Variants in PITPNC1 observed in about 807,000 individuals in gnomAD.
The protein encoded by PITPNC1 is phosphatidylinositol transfer protein cytoplasmic 1.
Under a neutral mutation model 44.7 loss-of-function variants are expected in PITPNC1, and 18 were observed. The observed-to-expected ratio is 0.40, with a 90% CI of 0.28 to 0.60. The LOEUF (loss-of-function observed/expected upper bound fraction) is 0.60. PITPNC1 is among the 20% of genes least tolerant of loss of function. The pLI, the probability that PITPNC1 is intolerant of heterozygous loss-of-function variation, is 0.39. For synonymous variants in PITPNC1, 141 were observed against 149.6 expected (o/e 0.94, Z 0.42); for missense variants, 290 against 418.4 (o/e 0.69, Z 2.68).
intron 5 of PITPNC1, among the ~76,000 whole-genome samples, chr17:67,606,070 A>T (rs1339203404): frequency 1.3e-5 from 2 of 152,228 alleles, no homozygotes; most frequent in Non-Finnish European, 2.9e-5. Flanking sequence ...TCCTGGGGCC[A>T]GAATGGACCT....
At chr17:67,644,820 A>C (rs2042129632) in intron 6 of PITPNC1, among the ~76,000 whole-genome samples, 1 of 152,158 alleles carries the variant, frequency 6.6e-6, no homozygotes, top group Non-Finnish European at 1.5e-5. Context: ...TAGTCTTATT[A>C]AAGTAAAACA....
intron 1 of PITPNC1, among the ~76,000 whole-genome samples, chr17:67,503,172 CA>C (rs1228549330): frequency 2.0e-5 from 3 of 151,900 alleles, no homozygotes; most frequent in Non-Finnish European, 4.4e-5. Context: ...ATAAAGTTAC[CA>C]AAAACTCAAA....
intron 1 of PITPNC1, among the ~76,000 whole-genome samples, chr17:67,425,203 GCACACACACACACACACACACA>G (rs60705271): frequency 0.076 from 7,511 of 98,594 alleles, 673 homozygotes; most frequent in Middle Eastern, 0.096. Flanking sequence ...GCACGCACAC[GCACACACACACACACACACACA>G]CACACACACA....
chr17:67,424,177 G>C (rs114586670), intron 1 of PITPNC1, among the ~76,000 whole-genome samples: 302 of 151,706 alleles, frequency 2.0e-3, no homozygotes, highest in African/African-American at 7.1e-3. Context: ...AGGAAAACTA[G>C]CGAATGGTAT....
chr17:67,417,517 T>C (rs552922459), intron 1 of PITPNC1, among the ~76,000 whole-genome samples: 18 of 152,304 alleles, frequency 1.2e-4, no homozygotes, highest in Non-Finnish European at 1.5e-4. Flanking sequence ...ATATAATTTC[T>C]TGGTTGCCAG....
chr17:67,433,594 C>A (rs1190098553), intron 1 of PITPNC1, among the ~76,000 whole-genome samples: 3 of 152,162 alleles, frequency 2.0e-5, no homozygotes, highest in Admixed American at 1.3e-4. Context: ...GCCTGTAAAC[C>A]CAGCTACTCG....
chr17:67,566,229 G>C (rs538126509), intron 4 of PITPNC1, among the ~76,000 whole-genome samples: 47 of 151,934 alleles, frequency 3.1e-4, no homozygotes, highest in Middle Eastern at 6.8e-3. Flanking sequence ...TTTGATACAG[G>C]GGCTTGCTCT....
intron 8 of PITPNC1, among the ~76,000 whole-genome samples, chr17:67,686,896 C>A (rs546332554): frequency 6.6e-6 from 1 of 152,218 alleles, no homozygotes; most frequent in South Asian, 2.1e-4. Flanking sequence ...GCCCTCACTC[C>A]CCCTTTGGTT....
intron 2 of PITPNC1, among the ~76,000 whole-genome samples, chr17:67,533,345 C>T (rs150501082): frequency 2.0e-5 from 3 of 152,316 alleles, no homozygotes; most frequent in Non-Finnish European, 2.9e-5. Context: ...TCCTCAACTG[C>T]GTTTCCATTA....
chr17:67,499,218 T>G (rs1361211602), intron 1 of PITPNC1, among the ~76,000 whole-genome samples: 1 of 151,830 alleles, frequency 6.6e-6, no homozygotes, highest in African/African-American at 2.4e-5. Flanking sequence ...CTTTGCCCGT[T>G]TTTATTTATT....
intron 6 of PITPNC1, among the ~76,000 whole-genome samples, chr17:67,661,298 C>T (rs2642044): frequency 0.11 from 16,197 of 151,924 alleles, 1,365 homozygotes; most frequent in African/African-American, 0.23. Flanking sequence ...GTCACGAGCC[C>T]CTCCCTTCAG....
At chr17:67,539,762 C>G (rs111645998) in intron 2 of PITPNC1, among the ~76,000 whole-genome samples, 9 of 151,950 alleles carry the variant, frequency 5.9e-5, no homozygotes, top group African/African-American at 2.2e-4. Flanking sequence ...GGCGTGAACC[C>G]GGGAGGTGGA....
intron 2 of PITPNC1, among the ~76,000 whole-genome samples, chr17:67,544,505 G>A (rs1357921115): frequency 1.3e-5 from 2 of 152,198 alleles, no homozygotes; most frequent in Non-Finnish European, 2.9e-5. Context: ...CTGGCTGCTG[G>A]ATTAATTAGG....
At chr17:67,612,591 G>A (rs2041701147) in intron 5 of PITPNC1, 1 of 152,196 alleles carries the variant, frequency 6.6e-6, no homozygotes, top group African/African-American at 2.4e-5. Context: ...AAACTGATAT[G>A]TTCCAGGAGC....
At position 67,669,591 on chromosome 17, in the gene PITPNC1, C is replaced by T. The variant is rs1392775755; in HGVS notation, c.546C>T (p.Cys182=). 2 of 1,605,030 alleles carry T rather than the reference C, an allele frequency of 1.2e-6. No individual in the cohort carries two copies. ...GAGATAGTCATCAGCCTATCATGTG[C>T]TCCTACAAGCTGGTGACTGTGAAGT... ...GWRDSHQPIM[C]SYKLVTVKFE... The change falls in exon 7 of 9, where the codon TGC becomes TGT. Residue 182 remains cysteine (C), a synonymous_variant. Coordinates refer to ENST00000581322, the MANE Select transcript of PITPNC1 (RefSeq NM_012417.4).
chr17:67,585,988 G>A (rs551666758), intron 5 of PITPNC1, among the ~76,000 whole-genome samples: 35 of 152,262 alleles, frequency 2.3e-4, no homozygotes, highest in Admixed American at 8.5e-4. Flanking sequence ...CCCAATCTGT[G>A]GTGTTCTGTT....
intron 1 of PITPNC1, among the ~76,000 whole-genome samples, chr17:67,421,191 T>TG (rs1175575907): frequency 3.9e-5 from 6 of 152,232 alleles, no homozygotes; most frequent in Non-Finnish European, 8.8e-5. Flanking sequence ...TTTCACTCCC[T>TG]GTTGGAGTCA....
At chr17:67,512,500 C>CAAAAAAAA (rs1006177232) in intron 1 of PITPNC1, among the ~76,000 whole-genome samples, 2 of 59,686 alleles carry the variant, frequency 3.4e-5, no homozygotes, top group African/African-American at 1.3e-4. Flanking sequence ...GACTGTGTCT[C>CAAAAAAAA]AAAAAAAAAA....
In PITPNC1 at chr17:67,425,203, G is replaced by GCACACACACA. The variant is rs60705271; in HGVS notation, c.48+47052_48+47061dup. 9.7e-3 allele frequency among the ~76,000 whole-genome samples: 953 copies of GCACACACACA among 98,706 alleles called. 39 individuals are homozygous for GCACACACACA. Among genetic ancestry groups the GCACACACACA allele is most frequent in the East Asian group, 0.041 (112 of 2,754 alleles). 64.8% of individuals were successfully genotyped at this position (98,706 alleles called of 152,430 possible). On this transcript the variant is annotated intron_variant, in intron 1 of 8. Coordinates refer to ENST00000581322, the MANE Select transcript of PITPNC1 (RefSeq NM_012417.4). ...CCATGTTGTGCGCGCGCACGCACAC[G>GCACACACACA]CACACACACACACACACACACACAC... is the stretch of plus-strand genomic sequence containing the variant.
Sources: gnomAD v4.1 joint callset for allele counts (sites outside exome capture counted in the v4.1 genomes callset) on GRCh38, gnomAD v4.1.1 for gene constraint, MANE v1.5 for transcripts, NCBI Gene and HGNC (gene_info 2026-07-23, HGNC 2026-07-21) for gene names.